TMEM131L: variants seen among roughly 807,000 people sequenced by gnomAD.
TMEM131L encodes the protein transmembrane protein 131-like.
A neutral mutation model predicts 192.2 loss-of-function variants in TMEM131L; 54 were observed. The ratio of observed to expected loss-of-function variants is 0.28; its 90% confidence interval spans 0.23 to 0.35. The LOEUF is 0.35. TMEM131L is among the 10% of genes least tolerant of loss of function. The pLI is 1.00. For missense variants in TMEM131L, 1,888 were observed against 1,972.9 expected, an observed-to-expected ratio of 0.96 and a Z score of 0.82; for synonymous variants, 701 against 704.9, an observed-to-expected ratio of 0.99 and a Z score of 0.09.
At chr4:153,582,395 C>G (rs1561212343) in intron 9 of TMEM131L, among the ~76,000 whole-genome samples, 1 of 149,746 alleles carries the variant, frequency 6.7e-6, no homozygotes. Flanking sequence ...CAGGCGCACA[C>G]CACTATGCCT....
At chr4:153,488,422 G>C (rs114627537) in intron 3 of TMEM131L, among the ~76,000 whole-genome samples, 2,762 of 152,212 alleles carry the variant, frequency 0.018, 87 homozygotes, top group African/African-American at 0.06. Flanking sequence ...AGTGGGGACC[G>C]GGCCCTGGTG....
chr4:153,474,158 G>GT (rs1449614630), intron 3 of TMEM131L, among the ~76,000 whole-genome samples: 4 of 152,114 alleles, frequency 2.6e-5, no homozygotes, highest in Non-Finnish European at 2.9e-5. Context: ...CCTCCCTCTT[G>GT]TTTATAAACA....
At chr4:153,552,567 A>G (rs1052643738) in intron 4 of TMEM131L, among the ~76,000 whole-genome samples, 1 of 152,194 alleles carries the variant, frequency 6.6e-6, no homozygotes, top group Non-Finnish European at 1.5e-5. Flanking sequence ...ACGGTGGTTT[A>G]TGCCTGTAAT....
chr4:153,488,537 G>A (rs72971004), intron 3 of TMEM131L, among the ~76,000 whole-genome samples: 13,709 of 152,234 alleles, frequency 0.09, 1,700 homozygotes, highest in African/African-American at 0.28. Context: ...CCACTTACAG[G>A]GGAGAAGGGC....
chr4:153,510,914 C>T (rs377708044), intron 3 of TMEM131L, among the ~76,000 whole-genome samples: 1 of 151,576 alleles, frequency 6.6e-6, no homozygotes, highest in Admixed American at 6.6e-5. Context: ...AAGAAAAAAA[C>T]CGGAAAGATG....
intron 7 of TMEM131L, among the ~76,000 whole-genome samples, chr4:153,578,917 CA>C (rs770246773): frequency 7.2e-4 from 110 of 152,088 alleles, no homozygotes; most frequent in Non-Finnish European, 1.3e-3. Flanking sequence ...CTCGGCCTCC[CA>C]AAGTGCTGGG....
chr4:153,626,209 A>G lies in TMEM131L; in HGVS notation c.4108A>G (p.Asn1370Asp). The G allele has an allele frequency of 6.2e-7, 1 of 1,607,566 alleles. No individual in the cohort carries two copies. The highest frequency in any genetic ancestry group is 1.1e-5 in the South Asian group (1 of 90,866). ...EAPISLNLSH[N>D]ICNPMTVNSL... ...TCCCATCTCCTTGAATCTTTCTCAT[A>G]ACATCTGCAATCCCATGTAAGTTTT... The change falls in exon 30 of 35, where the codon AAC becomes GAC. Residue 1370 changes from asparagine (N) to aspartate (D), a missense_variant. Coordinates refer to ENST00000409959, the MANE Select transcript of TMEM131L (RefSeq NM_001131007.2).
intron 3 of TMEM131L, among the ~76,000 whole-genome samples, chr4:153,536,881 C>G (rs1253698291): frequency 1.3e-5 from 2 of 152,156 alleles, no homozygotes; most frequent in Non-Finnish European, 2.9e-5. Flanking sequence ...GTCTGATGTT[C>G]CAGGGCAGGA....
chr4:153,566,101 GT>G (rs1488897816), intron 7 of TMEM131L, among the ~76,000 whole-genome samples: 1 of 151,002 alleles, frequency 6.6e-6, no homozygotes, highest in Non-Finnish European at 1.5e-5. Context: ...AAATAATGTT[GT>G]TGTTAAAAAT....
chr4:153,471,270 G>A (rs1232759830), intron 2 of TMEM131L, among the ~76,000 whole-genome samples: 3 of 152,168 alleles, frequency 2.0e-5, no homozygotes, highest in Non-Finnish European at 4.4e-5. Context: ...ACAGGTGTGA[G>A]TCACCGTGCC....
intron 3 of TMEM131L, among the ~76,000 whole-genome samples, chr4:153,548,017 T>G (rs1483914716): frequency 7.2e-6 from 1 of 139,316 alleles, no homozygotes; most frequent in Non-Finnish European, 1.5e-5. Flanking sequence ...TGAAGTTGCC[T>G]GTTTTTTTTT....
At chr4:153,565,199 C>A (rs1402013325) in intron 7 of TMEM131L, among the ~76,000 whole-genome samples, 1 of 152,142 alleles carries the variant, frequency 6.6e-6, no homozygotes, top group Non-Finnish European at 1.5e-5. Context: ...AGGGACAGGG[C>A]CTGCTTTTTC....
chr4:153,634,264 C>T lies in TMEM131L; in HGVS notation c.4401C>T (p.Tyr1467=), dbSNP rs763176953. 1.2e-6 allele frequency: 2 copies of T among 1,613,512 alleles called. No homozygotes were observed. Among genetic ancestry groups the T allele is most frequent in the African/African-American group, 2.7e-5 (2 of 74,936 alleles). Residue 1467 remains tyrosine, a synonymous_variant, in exon 33 of 35, where the codon TAC becomes TAT. Transcript: ENST00000409959. The part of the protein sequence containing the change: ...SAYCPLELND[Y]NAFPEENMNY... ...ACTGTCCATTGGAATTGAACGATTA[C>T]AATGCCTTTCCAGAAGGTAAGGGCT...
chr4:153,552,152 G>A (rs1386909845), intron 4 of TMEM131L, among the ~76,000 whole-genome samples: 4 of 152,130 alleles, frequency 2.6e-5, no homozygotes, highest in Admixed American at 6.5e-5. Flanking sequence ...AGAGGTTGCA[G>A]TGAGCCAAGA....
chr4:153,570,788 G>A (rs952487597), intron 7 of TMEM131L, among the ~76,000 whole-genome samples: 17 of 152,246 alleles, frequency 1.1e-4, no homozygotes, highest in Middle Eastern at 3.4e-3. Flanking sequence ...TGCTTCTTAG[G>A]GAAGTTTGTT....
At chr4:153,569,731 A>G (rs1208115389) in intron 7 of TMEM131L, among the ~76,000 whole-genome samples, 3 of 152,212 alleles carry the variant, frequency 2.0e-5, no homozygotes, top group Admixed American at 6.5e-5. Flanking sequence ...GCCCTTTCGG[A>G]TAGGGTTGGT....
intron 3 of TMEM131L, among the ~76,000 whole-genome samples, chr4:153,546,045 G>C (rs1180414889): frequency 1.3e-5 from 2 of 151,762 alleles, no homozygotes; most frequent in Non-Finnish European, 2.9e-5. Context: ...ACTGAGCTCG[G>C]ATAATATATA....
At chr4:153,579,886 T>C (rs1730214649) in intron 7 of TMEM131L, among the ~76,000 whole-genome samples, 1 of 152,238 alleles carries the variant, frequency 6.6e-6, no homozygotes, top group African/African-American at 2.4e-5. Flanking sequence ...AACATAATTG[T>C]AGTGATTCTT....
intron 3 of TMEM131L, among the ~76,000 whole-genome samples, chr4:153,535,163 A>C (rs534093071): frequency 6.6e-6 from 1 of 152,204 alleles, no homozygotes; most frequent in Non-Finnish European, 1.5e-5. Context: ...AGCGGAGCTC[A>C]TGGGATTTCC....
Sources: gnomAD v4.1 joint callset for allele counts (sites outside exome capture counted in the v4.1 genomes callset) on GRCh38, gnomAD v4.1.1 for gene constraint, MANE v1.5 for transcripts, NCBI Gene and HGNC (gene_info 2026-07-23, HGNC 2026-07-21) for gene names.